Variants in CDKN2B-AS1 observed in about 807,000 individuals in gnomAD.
CDKN2B-AS1 encodes the protein CDKN2B and CDKN2A antisense cis and trans regulatory RNA 1, also known as CDKN2B antisense RNA 1 (non-protein coding).
At chr9:22,037,878 A>G (rs1270058672) in intron 1 of CDKN2B-AS1, among the ~76,000 whole-genome samples, 1 of 152,078 alleles carries the variant, frequency 6.6e-6, no homozygotes, top group African/African-American at 2.4e-5. Context: ...AAAAAAATAT[A>G]TATGGGGCTT....
At chr9:22,048,088 C>G (rs1823185394) in intron 2 of CDKN2B-AS1, among the ~76,000 whole-genome samples, 1 of 151,928 alleles carries the variant, frequency 6.6e-6, no homozygotes, top group African/African-American at 2.4e-5. Flanking sequence ...AGTCAGTGCG[C>G]CTGACCTGGA....
rs200296291 is a variant in CDKN2B-AS1 at position 22,084,537 on chromosome 9, A to AT, written n.438+28158dup. ...GTCTAACAGCATGTGGGTAGGCTAC[A>AT]TTTTTTTTACTCTCAGAGAAAGGGG... On this transcript the variant is annotated intron_variant and non_coding_transcript_variant, in intron 4 of 4. Coordinates refer to ENST00000650946, the Ensembl canonical transcript of CDKN2B-AS1. Among the ~76,000 whole-genome samples the AT allele has an allele frequency of 3.7e-3, 554 of 151,748 alleles. 10 individuals are homozygous for AT. The highest frequency in any genetic ancestry group is 0.031 in the Admixed American group (470 of 15,232).
chr9:22,051,036 A>G (rs1303799105), intron 3 of CDKN2B-AS1, among the ~76,000 whole-genome samples: 1 of 152,156 alleles, frequency 6.6e-6, no homozygotes, highest in Non-Finnish European at 1.5e-5. Context: ...TTGGATGTTC[A>G]TATTGTCTAC....
At chr9:22,034,867 A>G (rs186661614) in intron 1 of CDKN2B-AS1, among the ~76,000 whole-genome samples, 41 of 152,310 alleles carry the variant, frequency 2.7e-4, no homozygotes, top group Middle Eastern at 3.4e-3. Context: ...CTGATTTGAC[A>G]TAAGGGTCAT....
chr9:22,016,644 C>A (rs1294861146), intron 1 of CDKN2B-AS1, among the ~76,000 whole-genome samples: 1 of 152,038 alleles, frequency 6.6e-6, no homozygotes, highest in Non-Finnish European at 1.5e-5. Context: ...AATAACACCG[C>A]ATATCTACAA....
intron 1 of CDKN2B-AS1, among the ~76,000 whole-genome samples, chr9:21,998,046 T>A (rs2131160781): frequency 6.6e-6 from 1 of 152,368 alleles, no homozygotes; most frequent in East Asian, 1.9e-4. Context: ...GATAATTATA[T>A]AGTAAGCTCT....
chr9:22,046,456 A>G (rs1823112343), intron 1 of CDKN2B-AS1: 1 of 152,146 alleles, frequency 6.6e-6, no homozygotes, highest in Non-Finnish European at 1.5e-5. Flanking sequence ...TAAGGTTGTC[A>G]TAGAGTCTTG....
intron 4 of CDKN2B-AS1, among the ~76,000 whole-genome samples, chr9:22,107,778 C>G (rs188358183): frequency 1.3e-5 from 2 of 152,292 alleles, no homozygotes; most frequent in South Asian, 2.1e-4. Context: ...TTCAGGCAGC[C>G]AGGGGGAATC....
rs1210225919 is a variant in CDKN2B-AS1, at chr9:21,997,540, G to A, written n.29+2379G>A. Among the ~76,000 whole-genome samples the A allele has an allele frequency of 1.3e-5, 2 of 152,062 alleles. No individual in the cohort carries two copies. The highest frequency in any genetic ancestry group is 4.8e-5 in the African/African-American group (2 of 41,398). ...GAGAAAATACTTATTTTAAGGAATT[G>A]TCTCAGAAAATGGTGGGGGTTGACA... On this transcript the variant is annotated intron_variant and non_coding_transcript_variant, in intron 1 of 4. Coordinates refer to ENST00000650946, the Ensembl canonical transcript of CDKN2B-AS1. This position sits in a 1 kb window ranked among gnomAD's most constrained non-coding sequence, Gnocchi z 4.8.
intron 3 of CDKN2B-AS1, among the ~76,000 whole-genome samples, chr9:22,051,056 A>G (rs974462241): frequency 3.9e-5 from 6 of 152,188 alleles, no homozygotes; most frequent in African/African-American, 1.4e-4. Context: ...CTTGGTTTTC[A>G]TGAACCTCAC....
At chr9:22,112,184 C>G (rs557737403) in intron 4 of CDKN2B-AS1, 2 of 152,314 alleles carry the variant, frequency 1.3e-5, no homozygotes, top group East Asian at 3.9e-4. Flanking sequence ...ACTGAACAAT[C>G]AAACCATTTT....
At chr9:22,012,580 A>G (rs934216645) in intron 1 of CDKN2B-AS1, 12 of 493,038 alleles carry the variant, frequency 2.4e-5, no homozygotes, top group African/African-American at 2.4e-4. Context: ...CCCAGGCCCC[A>G]TGGCCCTGGA....
In CDKN2B-AS1 at chr9:22,015,728, G is replaced by A. The variant is rs373965622; in HGVS notation, n.29+20567G>A. On this transcript the variant is annotated intron_variant and non_coding_transcript_variant, in intron 1 of 4. Coordinates refer to ENST00000650946, the Ensembl canonical transcript of CDKN2B-AS1. ...ATGTATTCATGTGCCATGCTGGTGC[G>A]CTGCACCGACTAACTCATCATCTAC... Among the ~76,000 whole-genome samples the A allele has an allele frequency of 7.9e-5, 12 of 152,222 alleles. No homozygotes were observed. The East Asian group carries it at 1.4e-3, about 17-fold the overall frequency.
chr9:22,065,891 A>G (rs1252742206), intron 4 of CDKN2B-AS1: 2 of 152,174 alleles, frequency 1.3e-5, no homozygotes, highest in African/African-American at 4.8e-5. Context: ...TCTATTCAGC[A>G]TCTTTTTGTA....
chr9:22,076,462 A>G (rs1824496355), intron 4 of CDKN2B-AS1, among the ~76,000 whole-genome samples: 1 of 152,216 alleles, frequency 6.6e-6, no homozygotes, highest in Non-Finnish European at 1.5e-5. Flanking sequence ...GCCACATTAC[A>G]AAAGTAAAAA....
At chr9:22,034,577 A>G (rs1022882579) in intron 1 of CDKN2B-AS1, among the ~76,000 whole-genome samples, 2 of 152,198 alleles carry the variant, frequency 1.3e-5, no homozygotes, top group African/African-American at 4.8e-5. Context: ...AAAGAAATTG[A>G]TGACAATTAA....
chr9:22,012,370 C>A, intron 1 of CDKN2B-AS1: 1 of 1,006,982 alleles, frequency 9.9e-7, no homozygotes, highest in Non-Finnish European at 1.6e-6. Context: ...TGGTGCTGCA[C>A]CTGCGAGGTG....
At chr9:22,076,382 T>A (rs1270572988) in intron 4 of CDKN2B-AS1, among the ~76,000 whole-genome samples, 1 of 152,070 alleles carries the variant, frequency 6.6e-6, no homozygotes, top group African/African-American at 2.4e-5. Context: ...GAAATAAAAA[T>A]AATATAATCT....
intron 1 of CDKN2B-AS1, among the ~76,000 whole-genome samples, chr9:22,015,845 G>A (rs1821729533): frequency 6.6e-6 from 1 of 152,086 alleles, no homozygotes; most frequent in Non-Finnish European, 1.5e-5. Context: ...CTGATGGCCA[G>A]TGATGATGAG....
Sources: gnomAD v4.1 joint callset for allele counts (sites outside exome capture counted in the v4.1 genomes callset) on GRCh38, gnomAD v4.1.1 for gene constraint, Gnocchi (gnomAD v3.1) non-coding constraint, MANE v1.5 for transcripts, NCBI Gene and HGNC (gene_info 2026-07-23, HGNC 2026-07-21) for gene names.